Variants in LRRTM4 observed in about 807,000 individuals in gnomAD.
The protein encoded by LRRTM4 is leucine-rich repeat transmembrane neuronal protein 4.
A neutral mutation model predicts 47.6 loss-of-function variants in LRRTM4; 25 were observed. That is an observed-to-expected ratio of 0.53 (90% confidence interval 0.38 to 0.73). LRRTM4 has a LOEUF of 0.73. Among genes scored for constraint, LRRTM4 ranks in the 30% least tolerant of loss-of-function variants. The pLI is 0.00. For synonymous variants in LRRTM4, 311 were observed against 269.5 expected (o/e 1.15, Z -1.51); for missense variants, 638 against 713.4 (o/e 0.89, Z 1.20).
At chr2:77,182,217 T>C (rs1573047331) in intron 3 of LRRTM4, among the ~76,000 whole-genome samples, 1 of 152,142 alleles carries the variant, frequency 6.6e-6, no homozygotes, top group East Asian at 1.9e-4. Flanking sequence ...GTGGTATATA[T>C]ACACCATGGA....
At chr2:76,962,121 G>A (rs1257116730) in intron 3 of LRRTM4, among the ~76,000 whole-genome samples, 3 of 151,222 alleles carry the variant, frequency 2.0e-5, no homozygotes, top group African/African-American at 7.3e-5. Flanking sequence ...AAGGCTTGGA[G>A]TAGTAAACTA....
At position 76,747,837 on chromosome 2, in the gene LRRTM4, C is replaced by A. The variant is rs567590098; in HGVS notation, c.*858G>T. On this transcript the variant is annotated 3_prime_UTR_variant, in exon 4 of 4. Coordinates refer to ENST00000409884, the MANE Select transcript of LRRTM4 (RefSeq NM_001134745.3). ...TGTGTTTAGAAATTTGTCAGCTTGG[C>A]AGTTTCATTCATTGAGCCCATGGTC... 3 of 152,138 alleles carry A rather than the reference C, an allele frequency of 2.0e-5. No homozygotes were observed. Among genetic ancestry groups the A allele is most frequent in the Non-Finnish European group, 2.9e-5 (2 of 68,032 alleles). 9.4% of individuals were successfully genotyped at this position (152,138 alleles called of 1,614,324 possible).
chr2:76,831,357 G>A (rs1285826826), intron 3 of LRRTM4, among the ~76,000 whole-genome samples: 2 of 152,132 alleles, frequency 1.3e-5, no homozygotes, highest in Non-Finnish European at 2.9e-5. Flanking sequence ...GCTCGCATTT[G>A]TGTTTTGAAA....
intron 3 of LRRTM4, among the ~76,000 whole-genome samples, chr2:77,150,970 A>G (rs1014174190): frequency 2.0e-5 from 3 of 152,002 alleles, no homozygotes; most frequent in African/African-American, 7.2e-5. Context: ...ACATTCATGC[A>G]CTGTTTTTTA....
intron 3 of LRRTM4, among the ~76,000 whole-genome samples, chr2:77,346,615 T>A (rs1490908658): frequency 6.6e-6 from 1 of 152,100 alleles, no homozygotes; most frequent in Non-Finnish European, 1.5e-5. Flanking sequence ...TTTGTAGAAC[T>A]CTACCTCTAG....
chr2:76,800,006 T>C (rs1487513620), intron 3 of LRRTM4, among the ~76,000 whole-genome samples: 2 of 151,572 alleles, frequency 1.3e-5, no homozygotes, highest in Non-Finnish European at 2.9e-5. Context: ...AGAATCAATA[T>C]CGTGAAAATG....
intron 3 of LRRTM4, among the ~76,000 whole-genome samples, chr2:76,764,556 G>T (rs1673382043): frequency 6.6e-6 from 1 of 152,142 alleles, no homozygotes; most frequent in South Asian, 2.1e-4. Context: ...GCATGAACCC[G>T]GGAGGCGGAG....
At chr2:77,035,811 T>C (rs1229376443) in intron 3 of LRRTM4, among the ~76,000 whole-genome samples, 1 of 151,828 alleles carries the variant, frequency 6.6e-6, no homozygotes, top group Non-Finnish European at 1.5e-5. Context: ...TTTCATTTTT[T>C]AAAATGTTCC....
chr2:76,749,752 A>C (rs1294677237), intron 3 of LRRTM4, among the ~76,000 whole-genome samples: 1 of 152,220 alleles, frequency 6.6e-6, no homozygotes, highest in Non-Finnish European at 1.5e-5. Context: ...TTAAGCCATA[A>C]ATTTCTGATA....
At chr2:77,299,388 T>A (rs539854995) in intron 3 of LRRTM4, among the ~76,000 whole-genome samples, 3 of 151,792 alleles carry the variant, frequency 2.0e-5, no homozygotes, top group Non-Finnish European at 2.9e-5. Context: ...TATATATGTG[T>A]GTATATATAC....
intron 3 of LRRTM4, among the ~76,000 whole-genome samples, chr2:76,965,957 C>T (rs1676010020): frequency 6.6e-6 from 1 of 151,368 alleles, no homozygotes; most frequent in Non-Finnish European, 1.5e-5. Context: ...GAGCCAGGTA[C>T]TCACTGGCCA....
intron 3 of LRRTM4, among the ~76,000 whole-genome samples, chr2:77,026,252 A>G (rs896882592): frequency 2.0e-5 from 3 of 152,162 alleles, no homozygotes; most frequent in African/African-American, 7.2e-5. Flanking sequence ...AGCACTTTAC[A>G]TGCATCATGT....
chr2:77,137,173 G>T (rs1023095119), intron 3 of LRRTM4, among the ~76,000 whole-genome samples: 3 of 151,690 alleles, frequency 2.0e-5, no homozygotes, highest in Non-Finnish European at 4.4e-5. Flanking sequence ...ACACACAATT[G>T]TCAATTCACC....
intron 3 of LRRTM4, among the ~76,000 whole-genome samples, chr2:77,446,617 T>G (rs1676064206): frequency 6.6e-6 from 1 of 152,076 alleles, no homozygotes; most frequent in Admixed American, 6.6e-5. Flanking sequence ...TTTTGCTTCT[T>G]TAAGATCGAA....
chr2:76,755,219 G>A (rs1672985840), intron 3 of LRRTM4, among the ~76,000 whole-genome samples: 1 of 152,164 alleles, frequency 6.6e-6, no homozygotes, highest in African/African-American at 2.4e-5. Flanking sequence ...TATAGATTAA[G>A]TTGAATCAAC....
At chr2:76,995,809 C>T (rs1243604219) in intron 3 of LRRTM4, among the ~76,000 whole-genome samples, 2 of 151,998 alleles carry the variant, frequency 1.3e-5, no homozygotes, top group African/African-American at 2.4e-5. Flanking sequence ...ACTAGACACA[C>T]ATGGGTGAAC....
chr2:77,399,918 T>A (rs1035388782), intron 3 of LRRTM4, among the ~76,000 whole-genome samples: 2 of 151,872 alleles, frequency 1.3e-5, no homozygotes, highest in African/African-American at 4.8e-5. Flanking sequence ...AAGTCAGACA[T>A]CTGGGCTTGA....
intron 3 of LRRTM4, among the ~76,000 whole-genome samples, chr2:77,201,347 T>C (rs772265235): frequency 1.3e-5 from 2 of 152,128 alleles, no homozygotes; most frequent in Non-Finnish European, 2.9e-5. Context: ...TTTCCTTGCT[T>C]TTGCCTAGAG....
chr2:77,061,703 C>T (rs62170919), intron 3 of LRRTM4, among the ~76,000 whole-genome samples: 16,438 of 152,106 alleles, frequency 0.11, 1,120 homozygotes, highest in Non-Finnish European at 0.15. Flanking sequence ...TTTCCATTAT[C>T]CTCCATATTG....
Sources: gnomAD v4.1 joint callset for allele counts (sites outside exome capture counted in the v4.1 genomes callset) on GRCh38, gnomAD v4.1.1 for gene constraint, MANE v1.5 for transcripts, NCBI Gene and HGNC (gene_info 2026-07-23, HGNC 2026-07-21) for gene names.